KCTD8: variants seen among roughly 807,000 people sequenced by gnomAD.
KCTD8 encodes potassium channel tetramerization domain containing 8, also known as BTB/POZ domain-containing protein KCTD8.
Under a neutral mutation model 31.5 loss-of-function variants are expected in KCTD8, and 27 were observed. The ratio of observed to expected loss-of-function variants is 0.86; its 90% CI spans 0.63 to 1.18. The LOEUF (loss-of-function observed/expected upper bound fraction) is 1.18. Among genes scored for constraint, KCTD8 ranks in the 50% most tolerant of loss-of-function variants. The pLI, the probability that KCTD8 is intolerant of heterozygous loss-of-function variation, is 0.00. For synonymous variants in KCTD8, 290 were observed against 280.0 expected (o/e 1.04, Z -0.36); for missense variants, 658 against 647.7 (o/e 1.02, Z -0.17).
chr4:44,186,676 G>A (rs1713599472), intron 1 of KCTD8, among the ~76,000 whole-genome samples: 4 of 152,194 alleles, frequency 2.6e-5, no homozygotes, highest in Admixed American at 2.6e-4. Flanking sequence ...TGAGCAGTGG[G>A]GCACCGAAGA....
intron 1 of KCTD8, among the ~76,000 whole-genome samples, chr4:44,208,921 A>T (rs757558145): frequency 6.6e-6 from 1 of 152,150 alleles, no homozygotes; most frequent in Non-Finnish European, 1.5e-5. Flanking sequence ...TTTGTCCATG[A>T]TCTAAATCTG....
At chr4:44,181,974 C>T (rs886677305) in intron 1 of KCTD8, among the ~76,000 whole-genome samples, 13 of 144,848 alleles carry the variant, frequency 9.0e-5, no homozygotes, top group East Asian at 7.9e-4. Flanking sequence ...CCCCTCCGCC[C>T]GGCAGCCGCC....
chr4:44,404,689 C>T (rs1464944673), intron 1 of KCTD8, among the ~76,000 whole-genome samples: 1 of 152,058 alleles, frequency 6.6e-6, no homozygotes, highest in African/African-American at 2.4e-5. Flanking sequence ...AATAATGAGA[C>T]AGAAAAATTA....
chr4:44,350,469 A>C (rs1719168212), intron 1 of KCTD8, among the ~76,000 whole-genome samples: 1 of 152,172 alleles, frequency 6.6e-6, no homozygotes, highest in South Asian at 2.1e-4. Context: ...CATTAAGTCA[A>C]AGTCAGTGTA....
chr4:44,191,944 C>G (rs115945519), intron 1 of KCTD8, among the ~76,000 whole-genome samples: 2 of 152,120 alleles, frequency 1.3e-5, no homozygotes, highest in South Asian at 4.1e-4. Flanking sequence ...CACCCCCTCC[C>G]TTTTTGAAAT....
At chr4:44,383,326 T>G (rs1387256855) in intron 1 of KCTD8, among the ~76,000 whole-genome samples, 1 of 152,004 alleles carries the variant, frequency 6.6e-6, no homozygotes, top group Non-Finnish European at 1.5e-5. Flanking sequence ...AATTTTAAAA[T>G]CTGTATAAAA....
intron 1 of KCTD8, among the ~76,000 whole-genome samples, chr4:44,268,278 A>G (rs1339372275): frequency 1.3e-5 from 2 of 152,106 alleles, no homozygotes; most frequent in African/African-American, 2.4e-5. Flanking sequence ...TATAAACAGA[A>G]CCAAAGACAA....
chr4:44,448,377 G>T lies in KCTD8; in HGVS notation c.147C>A (p.Asn49Lys). Reference sequence around the variant, plus strand: ...TGGTCACATAAACCTGGCCGCCTACGTTCAGCTCCACTACTTCAGGGAAGG... The same window carrying T: ...TGGTCACATAAACCTGGCCGCCTACTTTCAGCTCCACTACTTCAGGGAAGG... The part of the protein sequence containing the change: ...PSPFPEVVEL[N>K]VGGQVYVTKH... The change falls in exon 1 of 2, where the codon AAC (asparagine) becomes AAA (lysine). Residue 49 changes from asparagine to lysine, a missense_variant. Transcript: ENST00000360029. This position sits in a 1 kb window ranked among gnomAD's most constrained non-coding sequence, Gnocchi z 4.1. The T allele has an allele frequency of 6.3e-7, 1 of 1,591,784 alleles. No homozygotes were observed. The highest frequency in any genetic ancestry group is 8.5e-7 in the Non-Finnish European group (1 of 1,170,488).
At chr4:44,356,028 A>G (rs1719332987) in intron 1 of KCTD8, among the ~76,000 whole-genome samples, 1 of 152,226 alleles carries the variant, frequency 6.6e-6, no homozygotes, top group Admixed American at 6.5e-5. Context: ...AAGTGCACAC[A>G]CATATTCAAC....
intron 1 of KCTD8, among the ~76,000 whole-genome samples, chr4:44,298,408 C>T (rs1577600740): frequency 6.6e-6 from 1 of 150,568 alleles, no homozygotes; most frequent in Non-Finnish European, 1.5e-5. Context: ...AATGATCTGC[C>T]CCCCCCACCT....
chr4:44,389,923 T>C (rs1319103474), intron 1 of KCTD8, among the ~76,000 whole-genome samples: 1 of 151,972 alleles, frequency 6.6e-6, no homozygotes, highest in African/African-American at 2.4e-5. Flanking sequence ...GTTGGTCATG[T>C]GTGTATCTTT....
At chr4:44,274,108 A>T (rs1716685039) in intron 1 of KCTD8, among the ~76,000 whole-genome samples, 1 of 151,890 alleles carries the variant, frequency 6.6e-6, no homozygotes, top group Non-Finnish European at 1.5e-5. Flanking sequence ...CATTTGGCCA[A>T]ATTTAGATAA....
At chr4:44,221,054 C>T (rs1215938745) in intron 1 of KCTD8, among the ~76,000 whole-genome samples, 3 of 152,140 alleles carry the variant, frequency 2.0e-5, no homozygotes, top group African/African-American at 7.2e-5. Context: ...ATGGGGAAAA[C>T]AGAGTCAGCA....
chr4:44,380,878 C>T (rs1720046901), intron 1 of KCTD8, among the ~76,000 whole-genome samples: 1 of 151,840 alleles, frequency 6.6e-6, no homozygotes, highest in South Asian at 2.1e-4. Flanking sequence ...CACTCTTGTC[C>T]ACAAAATGTG....
At chr4:44,442,211 C>T (rs1040229629) in intron 1 of KCTD8, among the ~76,000 whole-genome samples, 1 of 151,760 alleles carries the variant, frequency 6.6e-6, no homozygotes, top group Non-Finnish European at 1.5e-5. Flanking sequence ...ACTAAATGTA[C>T]TACTTTTATG....
intron 1 of KCTD8, among the ~76,000 whole-genome samples, chr4:44,205,996 C>G (rs1187778149): frequency 6.6e-6 from 1 of 151,986 alleles, no homozygotes; most frequent in East Asian, 1.9e-4. Context: ...TGGCAAAAGG[C>G]TGAAAAGAAA....
intron 1 of KCTD8, among the ~76,000 whole-genome samples, chr4:44,178,425 C>A (rs1283288171): frequency 6.6e-6 from 1 of 152,008 alleles, no homozygotes; most frequent in African/African-American, 2.4e-5. Context: ...TGATCCTAAG[C>A]AAGCATGAAA....
chr4:44,333,947 A>T (rs1014475666), intron 1 of KCTD8, among the ~76,000 whole-genome samples: 3 of 152,162 alleles, frequency 2.0e-5, no homozygotes, highest in Non-Finnish European at 4.4e-5. Flanking sequence ...AGGTATAATC[A>T]AAATACATGG....
intron 1 of KCTD8, among the ~76,000 whole-genome samples, chr4:44,411,822 C>A (rs1259672386): frequency 6.6e-6 from 1 of 152,026 alleles, no homozygotes; most frequent in East Asian, 1.9e-4. Flanking sequence ...CAAGGATTGA[C>A]AGCCACCACC....
Sources: gnomAD v4.1 joint callset for allele counts (sites outside exome capture counted in the v4.1 genomes callset) on GRCh38, gnomAD v4.1.1 for gene constraint, Gnocchi (gnomAD v3.1) non-coding constraint, MANE v1.5 for transcripts, NCBI Gene and HGNC (gene_info 2026-07-23, HGNC 2026-07-21) for gene names.